The following VANGL1 variants were observed in gnomAD, a reference collection of about 807,000 sequenced individuals.
VANGL1 encodes the protein VANGL planar cell polarity protein 1.
A neutral mutation model predicts 48.4 loss-of-function variants in VANGL1; 18 were observed. The observed-to-expected ratio is 0.37, with a 90% CI of 0.26 to 0.55. The LOEUF (loss-of-function observed/expected upper bound fraction) is 0.55. Among genes scored for constraint, VANGL1 ranks in the 20% least tolerant of loss-of-function variants. The pLI is 0.81. For missense variants in VANGL1, 667 were observed against 675.8 expected (o/e 0.99, Z 0.14); for synonymous variants, 257 against 261.8 (o/e 0.98, Z 0.18).
rs1557774601 is a variant in VANGL1 at position 115,682,460 on chromosome 1, CA to C, written c.911del (p.Lys304SerfsTer6). The C allele has an allele frequency of 6.2e-7, 1 of 1,614,154 alleles. No individual in the cohort carries two copies. The highest frequency in any genetic ancestry group is 2.2e-5 in the East Asian group (1 of 44,880). On this transcript the variant is annotated frameshift_variant, in exon 5 of 8. Coordinates refer to ENST00000355485, the MANE Select transcript of VANGL1 (RefSeq NM_138959.3). LOFTEE classifies it high-confidence loss of function. ...LLTASKFRAA[K>X]HMAGLKVYNV... ...TAACAGCCTCCAAATTCCGAGCAGC[CA>C]AGCATATGGCCGGGCTGAAAGTCTA...
intron 4 of VANGL1, among the ~76,000 whole-genome samples, chr1:115,667,981 T>C (rs1056565595): frequency 3.9e-5 from 6 of 152,236 alleles, no homozygotes; most frequent in Admixed American, 1.3e-4. Context: ...AACAATTACA[T>C]AGTCTTACTG....
rs756440560 is a variant in VANGL1, at chr1:115,663,834, C to T, written c.378C>T (p.Thr126=). 5 of 1,614,068 alleles carry T rather than the reference C, an allele frequency of 3.1e-6. No individual in the cohort carries two copies. The African/African-American group carries it at 6.7e-5, about 22-fold the overall frequency. Residue 126 remains threonine (T), a synonymous_variant, in exon 4 of 8, where the codon ACC becomes ACT. Transcript: ENST00000355485. ...ASFLGLLVFL[T]PIAFILLPPI... ...TTCTTGGACTTCTAGTTTTCCTCAC[C>T]CCTATTGCCTTCATCCTTTTACCTC...
rs1269985692 is a variant in VANGL1, at chr1:115,687,397, T to C, written c.1314+1870T>C. On this transcript the variant is annotated intron_variant, in intron 7 of 7. Transcript: ENST00000355485. Reference sequence around the variant, plus strand: ...GGAAAATATGTCTGCAGGTATAAAATGATGGCTTGTACCATGTAGAACCAA... The same window carrying C: ...GGAAAATATGTCTGCAGGTATAAAACGATGGCTTGTACCATGTAGAACCAA... Among the ~76,000 whole-genome samples, 3 of 139,040 alleles carry C rather than the reference T, an allele frequency of 2.2e-5. 1 individual carries two copies. The East Asian group carries it at 6.1e-4, about 28-fold the overall frequency. 91.2% of individuals were successfully genotyped at this position (139,040 alleles called of 152,430 possible). A position where few individuals can be genotyped will look rare whatever the true frequency, so the allele number is the denominator to read the frequency against.
chr1:115,690,483 CA>C (rs1446347007), intron 7 of VANGL1, among the ~76,000 whole-genome samples: 1 of 152,220 alleles, frequency 6.6e-6, no homozygotes, highest in Non-Finnish European at 1.5e-5. Flanking sequence ...ACACTTAGCC[CA>C]ACATGGAATA....
chr1:115,650,876 C>G (rs1454029092), intron 1 of VANGL1, among the ~76,000 whole-genome samples: 1 of 150,246 alleles, frequency 6.7e-6, no homozygotes, highest in African/African-American at 2.5e-5. Flanking sequence ...AAATTATGAC[C>G]AAATCCCTTA....
chr1:115,685,900 G>A (rs913242557), intron 7 of VANGL1, among the ~76,000 whole-genome samples: 2 of 152,052 alleles, frequency 1.3e-5, no homozygotes, highest in Admixed American at 6.5e-5. Flanking sequence ...ATAGCTCTGT[G>A]CCTCAGTTTC....
At chr1:115,661,765 G>C (rs1403486611) in intron 3 of VANGL1, among the ~76,000 whole-genome samples, 4 of 151,890 alleles carry the variant, frequency 2.6e-5, no homozygotes, top group Non-Finnish European at 5.9e-5. Flanking sequence ...TTACAGGCAC[G>C]CACCACCACG....
At chr1:115,685,074 AC>A (rs1343264129) in intron 6 of VANGL1, among the ~76,000 whole-genome samples, 1 of 152,002 alleles carries the variant, frequency 6.6e-6, no homozygotes, top group Non-Finnish European at 1.5e-5. Flanking sequence ...CTTTCCCCCA[AC>A]CCCTGGGGCC....
rs1395439260 is a variant in VANGL1, at chr1:115,657,448, T to C, written c.72-2193T>C. Among the ~76,000 whole-genome samples, 7 of 152,188 alleles carry C rather than the reference T, an allele frequency of 4.6e-5. 1 individual carries two copies. The highest frequency in any genetic ancestry group is 3.3e-4 in the Admixed American group (5 of 15,286). On this transcript the variant is annotated intron_variant, in intron 2 of 7. Transcript: ENST00000355485. ...CTCTGTGAGCCTCAGTTTCCTTGTC[T>C]GTAGAATGAAGACAATGATACTGCC...
chr1:115,661,032 T>C (rs1489088597), intron 3 of VANGL1, among the ~76,000 whole-genome samples: 1 of 152,108 alleles, frequency 6.6e-6, no homozygotes, highest in Non-Finnish European at 1.5e-5. Context: ...TCTCTGCATC[T>C]CCTCTGCACC....
intron 4 of VANGL1, among the ~76,000 whole-genome samples, chr1:115,664,937 T>TTA (rs755642055): frequency 1.4e-4 from 21 of 152,310 alleles, no homozygotes; most frequent in Middle Eastern, 6.8e-3. Flanking sequence ...GGTAAGCACT[T>TTA]TATATATAGA....
rs140596381 is a variant in VANGL1, at chr1:115,691,338, C to A, written c.1534C>A (p.His512Asn). The change falls in exon 8 of 8, where the codon CAC becomes AAC. Residue 512 changes from histidine (H) to asparagine (N), a missense_variant. His to Asn is a moderately conservative substitution (Grantham distance 68). Transcript: ENST00000355485. ...LSEEFIDPKS[H>N]KFVLRLQSET... ...TGAAGAGTTCATAGACCCCAAATCT[C>A]ACAAATTTGTCCTTCGCTTACAGTC... 29 of 1,613,986 alleles carry A rather than the reference C, an allele frequency of 1.8e-5. No individual in the cohort carries two copies. Among genetic ancestry groups the A allele is most frequent in the Non-Finnish European group, 2.5e-5 (29 of 1,180,046 alleles).
chr1:115,684,689 T>C (rs1557775697), intron 6 of VANGL1, among the ~76,000 whole-genome samples: 1 of 152,216 alleles, frequency 6.6e-6, no homozygotes, highest in Non-Finnish European at 1.5e-5. Flanking sequence ...TGCGTGATGC[T>C]GATGCTCCTG....
chr1:115,690,917 G>A, intron 7 of VANGL1, among the ~76,000 whole-genome samples: 1 of 152,330 alleles, frequency 6.6e-6, no homozygotes, highest in South Asian at 2.1e-4. Flanking sequence ...AGGGGAGTGA[G>A]GAAGTCCAAG....
intron 1 of VANGL1, among the ~76,000 whole-genome samples, 165 bp from the exon 2 acceptor site, chr1:115,651,112 T>A (rs1040508297): frequency 9.9e-5 from 15 of 152,164 alleles, no homozygotes; most frequent in African/African-American, 3.6e-4. Context: ...CTGGGAAAAC[T>A]GGTTGCTGCA....
chr1:115,662,567 G>C (rs1377953893), intron 3 of VANGL1, among the ~76,000 whole-genome samples: 5 of 152,316 alleles, frequency 3.3e-5, no homozygotes, highest in African/African-American at 1.2e-4. Flanking sequence ...TTTAAAAAGA[G>C]AGGAAGCTAG....
intron 1 of VANGL1, among the ~76,000 whole-genome samples, chr1:115,647,831 A>G (rs1254509741): frequency 6.6e-6 from 1 of 152,222 alleles, no homozygotes; most frequent in Non-Finnish European, 1.5e-5. Flanking sequence ...GAGAGCACCT[A>G]TGAGAGGGAT....
chr1:115,682,187 G>A (rs1378847693), intron 4 of VANGL1, among the ~76,000 whole-genome samples, 177 bp from the exon 5 acceptor site: 1 of 152,250 alleles, frequency 6.6e-6, no homozygotes, highest in East Asian at 1.9e-4. Context: ...ATGGGGCTTA[G>A]TTTCAGCTTT....
chr1:115,646,794 A>G (rs1048967139), intron 1 of VANGL1, among the ~76,000 whole-genome samples: 2 of 152,200 alleles, frequency 1.3e-5, no homozygotes, highest in African/African-American at 2.4e-5. Context: ...AAACAAATGT[A>G]TCACTGGAAG....
Sources: allele counts gnomAD v4.1 joint callset (sites outside exome capture counted in the v4.1 genomes callset), GRCh38; gene constraint gnomAD v4.1.1; transcripts MANE v1.5; gene names NCBI Gene and HGNC (gene_info 2026-07-23, HGNC 2026-07-21).